TMEM71: variants seen among roughly 807,000 people sequenced by gnomAD.
The protein encoded by TMEM71 is transmembrane protein 71.
Under a neutral mutation model 38.0 loss-of-function variants are expected in TMEM71, and 44 were observed. That is an observed-to-expected ratio of 1.16 (90% CI 0.91 to 1.49). The LOEUF is 1.49. Ranked by LOEUF, TMEM71 falls within the 40% of genes most tolerant of loss-of-function variation. The pLI is 0.00. For missense variants in TMEM71, 367 were observed against 348.6 expected (o/e 1.05, Z -0.42); for synonymous variants, 133 against 122.5 (o/e 1.09, Z -0.56).
chr8:132,748,438 C>T (rs1269070519), intron 4 of TMEM71, among the ~76,000 whole-genome samples: 1 of 152,132 alleles, frequency 6.6e-6, no homozygotes, highest in Non-Finnish European at 1.5e-5. Flanking sequence ...GGGCAGTTGC[C>T]CACAACAAAT....
intron 4 of TMEM71, among the ~76,000 whole-genome samples, chr8:132,747,995 G>A (rs1281195581): frequency 6.6e-6 from 1 of 152,140 alleles, no homozygotes; most frequent in Non-Finnish European, 1.5e-5. Context: ...AGGTCAGAGG[G>A]GTTAATCGAA....
downstream of TMEM71, among the ~76,000 whole-genome samples, chr8:132,706,520 G>GC (rs1205270134): frequency 6.2e-4 from 94 of 152,184 alleles, no homozygotes; most frequent in African/African-American, 2.2e-3. Context: ...TTAGCATCTT[G>GC]ATGAGGTACA....
intron 3 of TMEM71, among the ~76,000 whole-genome samples, chr8:132,756,799 G>A (rs1829043519): frequency 6.6e-6 from 1 of 151,834 alleles, no homozygotes; most frequent in South Asian, 2.1e-4. Flanking sequence ...GTTTTACCCA[G>A]GCTGGACTCA....
At chr8:132,764,521 G>A (rs1340927418), upstream of TMEM71, among the ~76,000 whole-genome samples, 2 of 152,094 alleles carry the variant, frequency 1.3e-5, no homozygotes, top group Non-Finnish European at 2.9e-5. Flanking sequence ...GGCCTGGTAG[G>A]GTCTGGACTT....
intron 1 of TMEM71, 22 bp downstream of exon 1, chr8:132,760,454 A>G (rs1183013404): frequency 6.6e-6 from 1 of 152,222 alleles, no homozygotes; most frequent in Non-Finnish European, 1.5e-5. Context: ...GAAGTCTCTT[A>G]ATAAAGGGAA....
the TMEM71 span, among the ~76,000 whole-genome samples, chr8:132,775,008 ATTC>A: frequency 1.3e-5 from 2 of 152,238 alleles, no homozygotes; most frequent in Non-Finnish European, 2.9e-5. Flanking sequence ...ACCATGCTCT[ATTC>A]TTGATGTGGA....
chr8:132,767,868 T>C, the TMEM71 span, among the ~76,000 whole-genome samples: 1 of 152,200 alleles, frequency 6.6e-6, no homozygotes, highest in Admixed American at 6.5e-5. Flanking sequence ...TTCATGGGCA[T>C]GTCTCTGAAG....
At chr8:132,735,673 C>T (rs1563749820) in intron 5 of TMEM71, among the ~76,000 whole-genome samples, 1 of 152,158 alleles carries the variant, frequency 6.6e-6, no homozygotes, top group African/African-American at 2.4e-5. Context: ...GGTCCAATCC[C>T]TTTGAAATTG....
At chr8:132,771,288 C>T in the TMEM71 span, among the ~76,000 whole-genome samples, 2 of 152,188 alleles carry the variant, frequency 1.3e-5, no homozygotes, top group African/African-American at 2.4e-5. Flanking sequence ...CTTCCATTCT[C>T]AAAAGTGTTC....
At chr8:132,740,153 A>G (rs1372436429) in intron 5 of TMEM71, among the ~76,000 whole-genome samples, 2 of 151,974 alleles carry the variant, frequency 1.3e-5, no homozygotes. Flanking sequence ...GTTCTTTCCC[A>G]CTTGCATTCC....
chr8:132,771,518 T>C, the TMEM71 span, among the ~76,000 whole-genome samples: 1 of 152,072 alleles, frequency 6.6e-6, no homozygotes, highest in Non-Finnish European at 1.5e-5. Flanking sequence ...CTGAGTAACA[T>C]GTAAACTGAG....
chr8:132,712,556 T>G (rs538252114), intron 9 of TMEM71, among the ~76,000 whole-genome samples: 1 of 152,252 alleles, frequency 6.6e-6, no homozygotes, highest in East Asian at 1.9e-4. Flanking sequence ...GCACTTACCA[T>G]ATTAAAAGGC....
the TMEM71 span, among the ~76,000 whole-genome samples, chr8:132,769,730 G>A: frequency 6.6e-6 from 1 of 152,156 alleles, no homozygotes; most frequent in Non-Finnish European, 1.5e-5. Context: ...AAATCAATTG[G>A]CACCTTGATC....
chr8:132,731,957 C>A (rs1293443299), intron 5 of TMEM71, among the ~76,000 whole-genome samples: 1 of 152,108 alleles, frequency 6.6e-6, no homozygotes, highest in Non-Finnish European at 1.5e-5. Context: ...GACCCCCAAG[C>A]CAGAGGAATT....
chr8:132,735,038 G>A (rs1827670620), intron 5 of TMEM71, among the ~76,000 whole-genome samples: 1 of 152,200 alleles, frequency 6.6e-6, no homozygotes, highest in Admixed American at 6.5e-5. Flanking sequence ...TCAAGCTCAG[G>A]TGACTTGCCT....
At chr8:132,721,573 C>G (rs997637511) in intron 7 of TMEM71, among the ~76,000 whole-genome samples, 18 of 142,632 alleles carry the variant, frequency 1.3e-4, no homozygotes, top group Middle Eastern at 3.7e-3. Flanking sequence ...TTTGGCAGAG[C>G]TTTGCTCTTG....
chr8:132,761,300 A>G (rs1829290355), upstream of TMEM71, among the ~76,000 whole-genome samples: 1 of 152,212 alleles, frequency 6.6e-6, no homozygotes, highest in African/African-American at 2.4e-5. Flanking sequence ...GTGACCTCAG[A>G]TTTGTGACTT....
the TMEM71 span, among the ~76,000 whole-genome samples, chr8:132,767,615 C>A: frequency 6.6e-6 from 1 of 152,054 alleles, no homozygotes; most frequent in Admixed American, 6.6e-5. Context: ...GCTGGGACTA[C>A]AGGTGCGCAC....
the TMEM71 span, chr8:132,775,250 C>G: frequency 9.5e-6 from 3 of 315,990 alleles, no homozygotes; most frequent in Admixed American, 5.0e-5. Flanking sequence ...CGTCAACGAC[C>G]GCAAAGCCCC....
Sources: gnomAD v4.1 joint callset for allele counts (sites outside exome capture counted in the v4.1 genomes callset) on GRCh38, gnomAD v4.1.1 for gene constraint, MANE v1.5 for transcripts, NCBI Gene and HGNC (gene_info 2026-07-23, HGNC 2026-07-21) for gene names.